KLHL15: variants seen among roughly 807,000 people sequenced by gnomAD.
The protein encoded by KLHL15 is kelch-like protein 15.
A neutral mutation model predicts 29.3 loss-of-function variants in KLHL15; 1 was observed. The ratio of observed to expected loss-of-function variants is 0.03; its 90% CI spans 0.01 to 0.16. The LOEUF is 0.16. KLHL15 is among the 10% of genes least tolerant of loss of function. The probability of loss-of-function intolerance (pLI) is 1.00; values close to 1 mark genes in which losing one functional copy is unlikely to be tolerated. For missense variants in KLHL15, 215 were observed against 478.5 expected (o/e 0.45, Z 5.14); for synonymous variants, 212 against 184.5 (o/e 1.15, Z -1.21).
At position 24,025,052 on chromosome X, in the gene KLHL15, A is replaced by T. The variant is rs1402260223; in HGVS notation, c.-203T>A. On this transcript the variant is annotated 5_prime_UTR_variant, in exon 2 of 4. Coordinates refer to ENST00000328046, the MANE Select transcript of KLHL15 (RefSeq NM_030624.3). The stretch of plus-strand genomic sequence containing the variant: ...AGTGCTCGCCTGCAGCCCCCTCTGG[A>T]TAAGTCCTGGGAAAGAAGACAGCGC... 3.4e-6 allele frequency: 1 copy of T among 296,377 alleles called. No individual in the cohort carries two copies. Among genetic ancestry groups the T allele is most frequent in the African/African-American group, 2.7e-5 (1 of 36,835 alleles). The allele number at this position is 296,377 out of a possible 1,213,427, so 24.4% of individuals were successfully genotyped here.
At chrX:24,017,375 ATCT>A (rs1929709070) in intron 2 of KLHL15, among the ~76,000 whole-genome samples, 1 of 110,638 alleles carries the variant, frequency 9.0e-6, no homozygotes, top group Admixed American at 9.8e-5. Flanking sequence ...AATCATCATC[ATCT>A]TATTATCAAG....
chrX:23,984,307 A>T lies in KLHL15; in HGVS notation c.*3614T>A, dbSNP rs931359960. 8.9e-6 allele frequency: 1 copy of T among 112,118 alleles called. No individual in the cohort carries two copies. Among genetic ancestry groups the T allele is most frequent in the Non-Finnish European group, 1.9e-5 (1 of 53,153 alleles). The allele number at this position is 112,118 out of a possible 1,213,427, so 9.2% of individuals were successfully genotyped here. A position where few individuals can be genotyped will look rare whatever the true frequency, so the allele number is the denominator to read the frequency against. On this transcript the variant is annotated 3_prime_UTR_variant, in exon 4 of 4. Coordinates refer to ENST00000328046, the MANE Select transcript of KLHL15 (RefSeq NM_030624.3). ...ATTTGACTTTATAAACTCTGGATAA[A>T]CTAATTTTTAGGACTTCCATTTTTA...
rs1929891141 is a variant in KLHL15, at chrX:24,024,998, C to G, written c.-149G>C. 3.4e-6 allele frequency: 1 copy of G among 297,877 alleles called. No homozygotes were observed. The highest frequency in any genetic ancestry group is 4.7e-5 in the East Asian group (1 of 21,062). 24.5% of individuals were successfully genotyped at this position (297,877 alleles called of 1,213,427 possible). A position where few individuals can be genotyped will look rare whatever the true frequency, so the allele number is the denominator to read the frequency against. ...CGTCTACGAGCAGCCGCTCCCGGCA[C>G]GAGCCGGGTCGCTCCGGCGGGGCAC... is the stretch of plus-strand genomic sequence containing the variant. On this transcript the variant is annotated 5_prime_UTR_variant, in exon 2 of 4. Transcript: ENST00000328046.
chrX:24,004,164 G>A (rs779662652), intron 3 of KLHL15, among the ~76,000 whole-genome samples: 5 of 110,812 alleles, frequency 4.5e-5, no homozygotes, highest in Non-Finnish European at 7.6e-5. Flanking sequence ...GTTCAAATCT[G>A]TTACTACCAA....
chrX:24,026,708 CG>C (rs1486690474), intron 1 of KLHL15, among the ~76,000 whole-genome samples: 1 of 111,184 alleles, frequency 9.0e-6, no homozygotes, highest in Non-Finnish European at 1.9e-5. Flanking sequence ...AAATAGCACA[CG>C]GTGTACTGTT....
chrX:24,002,552 T>C (rs1427276787), intron 3 of KLHL15, among the ~76,000 whole-genome samples: 1 of 111,760 alleles, frequency 8.9e-6, no homozygotes, highest in African/African-American at 3.2e-5. Flanking sequence ...ATATCAAAGT[T>C]TTCCCACACT....
chrX:24,008,379 T>A (rs1318239112), intron 2 of KLHL15, among the ~76,000 whole-genome samples: 1 of 111,583 alleles, frequency 9.0e-6, no homozygotes, highest in Non-Finnish European at 1.9e-5. Context: ...TAGCTGGGAC[T>A]ACAGGCACCT....
chrX:24,009,987 C>G (rs183586295), intron 2 of KLHL15, among the ~76,000 whole-genome samples: 1,439 of 16,065 alleles, frequency 0.09, 21 homozygotes, highest in South Asian at 0.27. Context: ...AAGACTCCAT[C>G]TCAAAAAAAA....
intron 3 of KLHL15, among the ~76,000 whole-genome samples, chrX:23,994,531 T>C (rs1416763912): frequency 8.9e-6 from 1 of 112,016 alleles, no homozygotes; most frequent in Non-Finnish European, 1.9e-5. Flanking sequence ...TGCAGAACAG[T>C]ATGTGGCTCA....
intron 3 of KLHL15, among the ~76,000 whole-genome samples, chrX:23,996,613 A>T (rs751012677): frequency 1.0e-3 from 113 of 111,704 alleles, no homozygotes; most frequent in African/African-American, 3.5e-3. Context: ...CAGTGAGCCG[A>T]GATCGCACCG....
At chrX:24,007,593 T>C (rs895270256) in intron 2 of KLHL15, among the ~76,000 whole-genome samples, 5 of 104,815 alleles carry the variant, frequency 4.8e-5, no homozygotes, top group African/African-American at 1.7e-4. Flanking sequence ...ATTGATTTCA[T>C]ATTGTTCATC....
Position 24,006,184 on chromosome X carries a change from G to C in KLHL15, c.510C>G (p.Asp170Glu). The change falls in exon 3 of 4, where the codon GAC (aspartate) becomes GAG (glutamate). Residue 170 changes from aspartate to glutamate, a missense_variant. Transcript: ENST00000328046. ...TCTCAAAGCTCAGATAGGACAGAAA[G>C]TCAGGCCTAGACATGAGTGGCACAA... The part of the protein sequence containing the change: ...DNFVPLMSRP[D>E]FLSYLSFEKL... The C allele has an allele frequency of 5.0e-6, 6 of 1,211,696 alleles. No homozygotes were observed. Among genetic ancestry groups the C allele is most frequent in the Non-Finnish European group, 6.7e-6 (6 of 895,471 alleles).
intron 2 of KLHL15, among the ~76,000 whole-genome samples, chrX:24,015,040 A>G (rs1439407812): frequency 8.9e-6 from 1 of 112,078 alleles, no homozygotes; most frequent in Non-Finnish European, 1.9e-5. Context: ...CCCAGTTGCT[A>G]AGCCCAGTTC....
In KLHL15 at chrX:23,988,970, A is replaced by G. The variant is rs368741915; in HGVS notation, c.766T>C (p.Leu256=). ...TGGTGAACATTCTGAAAGTAATTCA[A>G]TGCTTGGTCAACTTCGTAACGGAGC... ...RQLRYEVDQA[L]NYFQNVHQQP... is the part of the protein sequence containing the mutation. Residue 256 remains leucine, a synonymous_variant, in exon 4 of 4, where the codon TTG becomes CTG. Transcript: ENST00000328046. 2 of 1,209,068 alleles carry G rather than the reference A, an allele frequency of 1.7e-6. No individual in the cohort carries two copies. The highest frequency in any genetic ancestry group is 1.7e-5 in the African/African-American group (1 of 57,154).
chrX:24,010,246 GT>G lies in KLHL15; in HGVS notation c.-7-3547del, dbSNP rs781545185. Among the ~76,000 whole-genome samples the G allele has an allele frequency of 2.7e-5, 3 of 110,876 alleles. No individual in the cohort carries two copies. The South Asian group carries it at 1.1e-3, about 42-fold the overall frequency. On this transcript the variant is annotated intron_variant, in intron 2 of 3. Transcript: ENST00000328046. ...AACCTTCCTACTCTCTTTTCACTTG[GT>G]CTATCATCTCCTAACTTAACCTCTG...
At chrX:24,016,520 G>A (rs1054370244) in intron 2 of KLHL15, among the ~76,000 whole-genome samples, 13 of 108,188 alleles carry the variant, frequency 1.2e-4, no homozygotes, top group Non-Finnish European at 2.3e-4. Flanking sequence ...AAAAAAAATT[G>A]GCTAGGTGTT....
chrX:23,997,655 C>T (rs768823409), intron 3 of KLHL15, among the ~76,000 whole-genome samples: 26 of 91,042 alleles, frequency 2.9e-4, no homozygotes, highest in African/African-American at 9.6e-4. Flanking sequence ...CACTTGAACC[C>T]GGGAGGTGGA....
intron 2 of KLHL15, among the ~76,000 whole-genome samples, chrX:24,014,004 G>C (rs888473038): frequency 9.1e-6 from 1 of 109,461 alleles, no homozygotes; most frequent in Non-Finnish European, 1.9e-5. Context: ...GCAGTGGCTT[G>C]TGCCTGTAAT....
At chrX:23,999,594 CA>C (rs57473929) in intron 3 of KLHL15, among the ~76,000 whole-genome samples, 662 of 55,403 alleles carry the variant, frequency 0.012, 1 homozygote, top group Non-Finnish European at 0.017. Context: ...GACTCCGTCT[CA>C]AAAAAAAAAA....
Sources: gnomAD v4.1 joint callset for allele counts (sites outside exome capture counted in the v4.1 genomes callset) on GRCh38, gnomAD v4.1.1 for gene constraint, MANE v1.5 for transcripts, NCBI Gene and HGNC (gene_info 2026-07-23, HGNC 2026-07-21) for gene names.